Variants in LHFPL3 observed in about 807,000 individuals in gnomAD.
The protein encoded by LHFPL3 is LHFPL tetraspan subfamily member 3.
A neutral mutation model predicts 19.3 loss-of-function variants in LHFPL3; 5 were observed. The ratio of observed to expected loss-of-function variants is 0.26; its 90% CI spans 0.14 to 0.54. The LOEUF is 0.54. Ranked by LOEUF, LHFPL3 falls within the 20% of genes least tolerant of loss-of-function variation. The pLI is 0.94. For synonymous variants in LHFPL3, 133 were observed against 126.2 expected (o/e 1.05, Z -0.36); for missense variants, 249 against 307.4 (o/e 0.81, Z 1.42).
At position 104,906,474 on chromosome 7, in the gene LHFPL3, G is replaced by GA; in HGVS notation, c.*263dup. 1 of 475,048 alleles carries GA rather than the reference G, an allele frequency of 2.1e-6. No individual in the cohort carries two copies. Among genetic ancestry groups the GA allele is most frequent in the Non-Finnish European group, 3.7e-6 (1 of 270,656 alleles). 29.4% of individuals were successfully genotyped at this position (475,048 alleles called of 1,614,324 possible). A position where few individuals can be genotyped will look rare whatever the true frequency, so the allele number is the denominator to read the frequency against. On this transcript the variant is annotated 3_prime_UTR_variant, in exon 3 of 3. Coordinates refer to ENST00000424859, the MANE Select transcript of LHFPL3 (RefSeq NM_199000.3). ...ATTGGAAACTCATTGGATGAGATCAGAAAACGTTCATGAAAAATCATATTC... is the reference window on the plus strand; with the variant it reads ...ATTGGAAACTCATTGGATGAGATCAGAAAAACGTTCATGAAAAATCATATTC...
chr7:104,429,872 G>A (rs189980682), intron 1 of LHFPL3, among the ~76,000 whole-genome samples: 65 of 152,206 alleles, frequency 4.3e-4, no homozygotes, highest in African/African-American at 1.5e-3. Flanking sequence ...AAAGGAGAGT[G>A]ATATGTGGAC....
intron 2 of LHFPL3, among the ~76,000 whole-genome samples, chr7:104,780,916 T>G (rs1794707058): frequency 6.6e-6 from 1 of 152,214 alleles, no homozygotes; most frequent in Non-Finnish European, 1.5e-5. Context: ...TCCCTCAGAC[T>G]TGACTTTCTT....
At chr7:104,531,441 CCTAA>C (rs1370500200) in intron 1 of LHFPL3, among the ~76,000 whole-genome samples, 1 of 152,150 alleles carries the variant, frequency 6.6e-6, no homozygotes. Context: ...CACTCAGGAT[CCTAA>C]CTAACTTTCT....
At chr7:104,373,257 T>C (rs1022131689) in intron 1 of LHFPL3, among the ~76,000 whole-genome samples, 1 of 152,246 alleles carries the variant, frequency 6.6e-6, no homozygotes, top group African/African-American at 2.4e-5. Flanking sequence ...GCCTGAATTT[T>C]AATTGGAAAA....
intron 1 of LHFPL3, among the ~76,000 whole-genome samples, chr7:104,721,094 T>C (rs925036396): frequency 4.6e-5 from 7 of 152,182 alleles, no homozygotes; most frequent in Non-Finnish European, 7.3e-5. Flanking sequence ...CACATGTATA[T>C]TTATTGTGGC....
At chr7:104,767,111 T>C (rs1368541834) in intron 2 of LHFPL3, among the ~76,000 whole-genome samples, 1 of 152,246 alleles carries the variant, frequency 6.6e-6, no homozygotes, top group Non-Finnish European at 1.5e-5. Flanking sequence ...TTAAATGCGA[T>C]AAGGTAGGAC....
At chr7:104,387,123 A>G (rs1790961871) in intron 1 of LHFPL3, among the ~76,000 whole-genome samples, 4 of 152,228 alleles carry the variant, frequency 2.6e-5, no homozygotes, top group Admixed American at 2.6e-4. Flanking sequence ...AAAGAAATGA[A>G]GAGAAATATA....
intron 1 of LHFPL3, among the ~76,000 whole-genome samples, chr7:104,332,121 T>C (rs761545873): frequency 2.0e-5 from 3 of 152,010 alleles, no homozygotes; most frequent in Non-Finnish European, 4.4e-5. Context: ...CTATCCCTCA[T>C]TGGAAATCAA....
At chr7:104,755,601 C>CACACACAG (rs1333540754) in intron 2 of LHFPL3, among the ~76,000 whole-genome samples, 2 of 151,600 alleles carry the variant, frequency 1.3e-5, no homozygotes, top group Non-Finnish European at 2.9e-5. Flanking sequence ...CACACACACA[C>CACACACAG]AGAGAGAAAC....
intron 2 of LHFPL3, among the ~76,000 whole-genome samples, chr7:104,878,631 T>G (rs1180800925): frequency 1.3e-5 from 2 of 152,146 alleles, no homozygotes; most frequent in Non-Finnish European, 1.5e-5. Flanking sequence ...ATAAGCCTAC[T>G]TAAGTACTAA....
chr7:104,870,709 G>T (rs566715230), intron 2 of LHFPL3, among the ~76,000 whole-genome samples: 2 of 152,290 alleles, frequency 1.3e-5, no homozygotes, highest in African/African-American at 2.4e-5. Context: ...GAAGCCCTGG[G>T]AAGTTTTCCC....
chr7:104,346,724 A>G (rs1790074301), intron 1 of LHFPL3, among the ~76,000 whole-genome samples: 1 of 151,882 alleles, frequency 6.6e-6, no homozygotes, highest in African/African-American at 2.4e-5. Flanking sequence ...GAAATACTGT[A>G]ATTGGATTCT....
intron 1 of LHFPL3, among the ~76,000 whole-genome samples, chr7:104,733,196 T>C (rs1314315048): frequency 6.6e-6 from 1 of 152,224 alleles, no homozygotes; most frequent in Non-Finnish European, 1.5e-5. Context: ...AAAATGTATA[T>C]GCTGTTGATT....
chr7:104,367,177 T>C (rs1326404442), intron 1 of LHFPL3, among the ~76,000 whole-genome samples: 1 of 152,180 alleles, frequency 6.6e-6, no homozygotes, highest in African/African-American at 2.4e-5. Flanking sequence ...GTTCCAATGA[T>C]AAAACTAAAA....
At chr7:104,487,155 A>C (rs1367702516) in intron 1 of LHFPL3, among the ~76,000 whole-genome samples, 1 of 152,138 alleles carries the variant, frequency 6.6e-6, no homozygotes, top group Non-Finnish European at 1.5e-5. Flanking sequence ...ACTAAGTGAA[A>C]TGATGTATAA....
At chr7:104,890,543 T>C (rs1428793314) in intron 2 of LHFPL3, among the ~76,000 whole-genome samples, 1 of 152,208 alleles carries the variant, frequency 6.6e-6, no homozygotes, top group Non-Finnish European at 1.5e-5. Context: ...TGTGTGTTTG[T>C]CCCTTTAGAA....
intron 1 of LHFPL3, chr7:104,669,077 T>C: frequency 6.2e-7 from 1 of 1,612,510 alleles, no homozygotes; most frequent in Admixed American, 1.7e-5. Flanking sequence ...GAGAAGTCTC[T>C]AGAAAATGAA....
At chr7:104,566,644 C>A (rs924895295) in intron 1 of LHFPL3, among the ~76,000 whole-genome samples, 1 of 152,156 alleles carries the variant, frequency 6.6e-6, no homozygotes, top group African/African-American at 2.4e-5. Context: ...TCAGTTGACA[C>A]CCCTAGGCAT....
At chr7:104,414,085 A>G (rs1264488698) in intron 1 of LHFPL3, among the ~76,000 whole-genome samples, 1 of 149,866 alleles carries the variant, frequency 6.7e-6, no homozygotes, top group Non-Finnish European at 1.5e-5. Context: ...TGTATTCCTC[A>G]TTATTTCAGT....
Sources: gnomAD v4.1 joint callset for allele counts (sites outside exome capture counted in the v4.1 genomes callset) on GRCh38, gnomAD v4.1.1 for gene constraint, MANE v1.5 for transcripts, NCBI Gene and HGNC (gene_info 2026-07-23, HGNC 2026-07-21) for gene names.